Variants in TRIM44 observed in about 807,000 individuals in gnomAD.
The protein encoded by TRIM44 is tripartite motif containing 44.
A neutral mutation model predicts 37.4 loss-of-function variants in TRIM44; 13 were observed. The observed-to-expected ratio is 0.35, with a 90% confidence interval of 0.23 to 0.55. The LOEUF is 0.55. Ranked by LOEUF, TRIM44 falls within the 20% of genes least tolerant of loss-of-function variation. TRIM44 has a pLI of 0.89. For synonymous variants in TRIM44, 175 were observed against 157.2 expected (o/e 1.11, Z -0.85); for missense variants, 426 against 437.2 (o/e 0.97, Z 0.23).
At chr11:35,711,689 G>T (rs183640861) in intron 2 of TRIM44, among the ~76,000 whole-genome samples, 1 of 152,032 alleles carries the variant, frequency 6.6e-6, no homozygotes, top group Non-Finnish European at 1.5e-5. Context: ...CCAGGAGATC[G>T]AGGCTGCAGT....
intron 4 of TRIM44, among the ~76,000 whole-genome samples, chr11:35,801,972 T>G (rs968450399): frequency 6.6e-6 from 1 of 152,182 alleles, no homozygotes; most frequent in African/African-American, 2.4e-5. Context: ...TTGCTAAGGG[T>G]GTGCTCACTG....
intron 4 of TRIM44, among the ~76,000 whole-genome samples, chr11:35,766,501 A>G (rs1310089246): frequency 6.6e-6 from 1 of 152,238 alleles, no homozygotes; most frequent in Non-Finnish European, 1.5e-5. Flanking sequence ...TTTCTTAACG[A>G]AAGTTTTTCA....
At chr11:35,735,956 A>G (rs577304457) in intron 4 of TRIM44, among the ~76,000 whole-genome samples, 2 of 152,142 alleles carry the variant, frequency 1.3e-5, no homozygotes, top group African/African-American at 4.8e-5. Flanking sequence ...GTGCTTCTGT[A>G]TTGCCACAGT....
At chr11:35,783,836 A>G (rs576340241) in intron 4 of TRIM44, among the ~76,000 whole-genome samples, 5 of 152,286 alleles carry the variant, frequency 3.3e-5, no homozygotes, top group South Asian at 4.1e-4. Context: ...GGCACAAATT[A>G]TAGTCAGATT....
intron 2 of TRIM44, 35 bp downstream of exon 2, chr11:35,685,371 C>T: frequency 6.4e-7 from 1 of 1,561,660 alleles, no homozygotes; most frequent in East Asian, 2.2e-5. Context: ...GGTGTTGGTA[C>T]CCCAAGCATT....
rs1205789888 is a variant in TRIM44, at chr11:35,810,623, A to G, written c.*4238A>G. On this transcript the variant is annotated 3_prime_UTR_variant, in exon 5 of 5. Coordinates refer to ENST00000299413, the MANE Select transcript of TRIM44 (RefSeq NM_017583.6). ...CCAGAAACAGCAGAACGAGGGCCAGAGCAGAAAAATGAAAATAAGTGGAGA... is the reference window on the plus strand; with the variant it reads ...CCAGAAACAGCAGAACGAGGGCCAGGGCAGAAAAATGAAAATAAGTGGAGA... The G allele has an allele frequency of 2.0e-5, 3 of 152,226 alleles. No homozygotes were observed. The highest frequency in any genetic ancestry group is 4.4e-5 in the Non-Finnish European group (3 of 68,042). 9.4% of individuals were successfully genotyped at this position (152,226 alleles called of 1,614,324 possible). A position where few individuals can be genotyped will look rare whatever the true frequency, so the allele number is the denominator to read the frequency against.
intron 4 of TRIM44, among the ~76,000 whole-genome samples, chr11:35,792,939 G>A (rs1423030507): frequency 1.3e-5 from 2 of 152,134 alleles, no homozygotes; most frequent in African/African-American, 4.8e-5. Flanking sequence ...AATTAAATGA[G>A]TGAGACCTTG....
chr11:35,764,770 C>T (rs150707678), intron 4 of TRIM44, among the ~76,000 whole-genome samples: 138 of 152,260 alleles, frequency 9.1e-4, no homozygotes, highest in African/African-American at 3.2e-3. Flanking sequence ...ATGCTTGACC[C>T]ATAAACTGTG....
At chr11:35,704,085 G>A (rs549549867) in intron 2 of TRIM44, among the ~76,000 whole-genome samples, 1 of 152,162 alleles carries the variant, frequency 6.6e-6, no homozygotes, top group African/African-American at 2.4e-5. Context: ...GGAGCTGAAA[G>A]CCAAGGCTCG....
intron 1 of TRIM44, among the ~76,000 whole-genome samples, chr11:35,672,934 A>G (rs1851415120): frequency 6.6e-6 from 1 of 152,226 alleles, no homozygotes; most frequent in Non-Finnish European, 1.5e-5. Context: ...AGACCAAGGT[A>G]AAGGGGATGG....
chr11:35,775,382 G>A (rs1038058313), intron 4 of TRIM44, among the ~76,000 whole-genome samples: 18 of 152,134 alleles, frequency 1.2e-4, no homozygotes, highest in African/African-American at 4.1e-4. Context: ...GAAACAATGG[G>A]ATTTTCTAAA....
At chr11:35,702,659 CAT>C (rs1243804119) in intron 2 of TRIM44, among the ~76,000 whole-genome samples, 2 of 152,172 alleles carry the variant, frequency 1.3e-5, no homozygotes, top group South Asian at 2.1e-4. Context: ...AAATTTTGCA[CAT>C]AGTTTGTGCG....
At chr11:35,775,893 T>G (rs542013880) in intron 4 of TRIM44, among the ~76,000 whole-genome samples, 4 of 152,346 alleles carry the variant, frequency 2.6e-5, no homozygotes, top group South Asian at 4.1e-4. Flanking sequence ...TGAGGATTTT[T>G]GCATCGATGT....
At chr11:35,757,689 G>A (rs1454997969) in intron 4 of TRIM44, among the ~76,000 whole-genome samples, 1 of 152,112 alleles carries the variant, frequency 6.6e-6, no homozygotes, top group Non-Finnish European at 1.5e-5. Flanking sequence ...AGAGATTCTG[G>A]TATGCTGTGT....
intron 2 of TRIM44, among the ~76,000 whole-genome samples, chr11:35,686,591 C>G (rs765325324): frequency 6.6e-6 from 1 of 152,064 alleles, no homozygotes; most frequent in Non-Finnish European, 1.5e-5. Flanking sequence ...GAATCTCGCT[C>G]TGATGCCCAG....
At chr11:35,715,418 G>A (rs1490646621) in intron 2 of TRIM44, among the ~76,000 whole-genome samples, 1 of 151,700 alleles carries the variant, frequency 6.6e-6, no homozygotes, top group Non-Finnish European at 1.5e-5. Context: ...GTGTGTGTGT[G>A]TGTGTGTGTG....
intron 2 of TRIM44, among the ~76,000 whole-genome samples, chr11:35,694,476 A>G (rs1374591689): frequency 6.6e-6 from 1 of 152,164 alleles, no homozygotes; most frequent in Non-Finnish European, 1.5e-5. Flanking sequence ...AAGGTTATCC[A>G]TGAATAAGGC....
intron 4 of TRIM44, among the ~76,000 whole-genome samples, chr11:35,746,472 G>C (rs576192424): frequency 4.0e-5 from 1 of 24,964 alleles, no homozygotes; most frequent in Non-Finnish European, 7.7e-5. Flanking sequence ...TTTTTTTGTA[G>C]CTCTATGTCA....
At chr11:35,740,554 G>A (rs562732314) in intron 4 of TRIM44, among the ~76,000 whole-genome samples, 1 of 152,202 alleles carries the variant, frequency 6.6e-6, no homozygotes, top group African/African-American at 2.4e-5. Flanking sequence ...CAGGCAAAAA[G>A]CTCCTGCTGA....
Sources: allele counts gnomAD v4.1 joint callset (sites outside exome capture counted in the v4.1 genomes callset), GRCh38; gene constraint gnomAD v4.1.1; transcripts MANE v1.5; gene names NCBI Gene and HGNC (gene_info 2026-07-23, HGNC 2026-07-21).